Variants in SLC8A3 observed in about 807,000 individuals in gnomAD.
SLC8A3 encodes solute carrier family 8 member A3.
SLC8A3 carries 37 observed loss-of-function variants against 65.4 expected under a neutral mutation model. The observed-to-expected ratio is 0.57, with a 90% CI of 0.44 to 0.74. The LOEUF (loss-of-function observed/expected upper bound fraction) is 0.74. Among genes scored for constraint, SLC8A3 ranks in the 30% least tolerant of loss-of-function variants. SLC8A3 has a pLI of 0.00. For missense variants in SLC8A3, 1,112 were observed against 1,172.1 expected (o/e 0.95, Z 0.75); for synonymous variants, 461 against 444.5 (o/e 1.04, Z -0.47).
intron 2 of SLC8A3, among the ~76,000 whole-genome samples, chr14:70,110,550 C>G (rs966913096): frequency 1.3e-5 from 2 of 152,044 alleles, no homozygotes; most frequent in African/African-American, 4.8e-5. Flanking sequence ...GAATAGTACT[C>G]CATTGTATAT....
intron 4 of SLC8A3, among the ~76,000 whole-genome samples, chr14:70,051,435 G>A (rs563326254): frequency 2.0e-5 from 3 of 152,200 alleles, no homozygotes; most frequent in Non-Finnish European, 4.4e-5. Context: ...TGGGACCACA[G>A]GCATGTACAA....
At chr14:70,146,573 A>C (rs1480831218) in intron 2 of SLC8A3, among the ~76,000 whole-genome samples, 1 of 152,120 alleles carries the variant, frequency 6.6e-6, no homozygotes, top group East Asian at 1.9e-4. Context: ...GAAAAAAATA[A>C]CCCTGCCTGG....
chr14:70,177,595 G>T (rs750299123), intron 1 of SLC8A3, among the ~76,000 whole-genome samples: 5 of 152,182 alleles, frequency 3.3e-5, no homozygotes, highest in Non-Finnish European at 5.9e-5. Context: ...TCAAACAAAG[G>T]CCACAGGAAT....
intron 2 of SLC8A3, among the ~76,000 whole-genome samples, chr14:70,161,857 G>A (rs1051319067): frequency 2.0e-5 from 3 of 152,204 alleles, no homozygotes; most frequent in African/African-American, 7.2e-5. Context: ...GATTTCTTGG[G>A]GTTAAAACAT....
Position 70,164,593 on chromosome 14 carries a change from G to A in SLC8A3, c.1784+2046C>T, listed in dbSNP as rs955880732. 5.3e-5 allele frequency among the ~76,000 whole-genome samples: 8 copies of A among 152,120 alleles called. No individual in the cohort carries two copies. The South Asian group carries it at 6.2e-4, about 12-fold the overall frequency. ...AAATAAGTTTGAGGAAGGTTTAGTCGTATTCAGAGACCCTAGGTGCATAAT... is the reference window on the plus strand; with the variant it reads ...AAATAAGTTTGAGGAAGGTTTAGTCATATTCAGAGACCCTAGGTGCATAAT... On this transcript the variant is annotated intron_variant, in intron 2 of 6. Transcript: ENST00000356921.
At chr14:70,171,637 C>T (rs1196564780) in intron 1 of SLC8A3, among the ~76,000 whole-genome samples, 1 of 152,056 alleles carries the variant, frequency 6.6e-6, no homozygotes, top group Non-Finnish European at 1.5e-5. Context: ...CCCATCTCTA[C>T]TAAAAATACA....
At chr14:70,103,403 T>C (rs954185697) in intron 2 of SLC8A3, among the ~76,000 whole-genome samples, 5 of 152,086 alleles carry the variant, frequency 3.3e-5, no homozygotes, top group African/African-American at 1.2e-4. Context: ...TATGTATTTT[T>C]CTACTCATAA....
Position 70,115,260 on chromosome 14 carries a change from G to C in SLC8A3, c.1784+51379C>G, listed in dbSNP as rs796964611. Among the ~76,000 whole-genome samples, 6 of 152,266 alleles carry C rather than the reference G, an allele frequency of 3.9e-5. No individual in the cohort carries two copies. The South Asian group carries it at 8.3e-4, about 21-fold the overall frequency. On this transcript the variant is annotated intron_variant, in intron 2 of 6. Coordinates refer to ENST00000356921, the MANE Select transcript of SLC8A3 (RefSeq NM_182932.3). ...TTTCCCTGCCCGAGCTTTGGATTCA[G>C]TCATCTTTTCTTCCCCACTTCTCTT...
chr14:70,161,188 G>A (rs1896865775), intron 2 of SLC8A3, among the ~76,000 whole-genome samples: 1 of 144,172 alleles, frequency 6.9e-6, no homozygotes, highest in Admixed American at 7.1e-5. Flanking sequence ...TACTCGGGAG[G>A]CTGAGGCAGG....
At chr14:70,080,505 C>G (rs1890960026) in intron 2 of SLC8A3, among the ~76,000 whole-genome samples, 1 of 152,182 alleles carries the variant, frequency 6.6e-6, no homozygotes, top group East Asian at 1.9e-4. Flanking sequence ...GGCCCAGACA[C>G]AGCCTTAACT....
chr14:70,057,290 A>ATAGG lies in SLC8A3; in HGVS notation c.1888+3542_1888+3545dup, dbSNP rs1305610951. 2.3e-4 allele frequency among the ~76,000 whole-genome samples: 32 copies of ATAGG among 142,098 alleles called. No homozygotes were observed. In the South Asian group the frequency reaches 5.9e-3, roughly 26 times the overall value. 93.2% of individuals were successfully genotyped at this position (142,098 alleles called of 152,430 possible). On this transcript the variant is annotated intron_variant, in intron 3 of 6. Coordinates refer to ENST00000356921, the MANE Select transcript of SLC8A3 (RefSeq NM_182932.3). ...GAGATAGATAGATATAGATAGGCAG[A>ATAGG]TAGGTAGATAGATAGATAGATAGAT...
chr14:70,145,127 G>T (rs577975633), intron 2 of SLC8A3, among the ~76,000 whole-genome samples: 4 of 152,294 alleles, frequency 2.6e-5, no homozygotes, highest in South Asian at 4.1e-4. Context: ...AAATGAAAAA[G>T]CATAATTCTT....
chr14:70,152,397 G>T (rs1896324817), intron 2 of SLC8A3, among the ~76,000 whole-genome samples: 2 of 152,104 alleles, frequency 1.3e-5, no homozygotes, highest in African/African-American at 2.4e-5. Context: ...CATCTTACCT[G>T]AGAAATTCAA....
rs1440534410 is a variant in SLC8A3 at position 70,052,018 on chromosome 14, A to G, written c.1985T>C (p.Val662Ala). The G allele has an allele frequency of 4.3e-6, 7 of 1,613,304 alleles. No individual in the cohort carries two copies. Among genetic ancestry groups the G allele is most frequent in the Non-Finnish European group, 5.9e-6 (7 of 1,179,712 alleles). Residue 662 changes from valine to alanine, a missense_variant, in exon 4 of 7, where the codon GTC becomes GCC. Coordinates refer to ENST00000356921, the MANE Select transcript of SLC8A3 (RefSeq NM_182932.3). ...PVLGEHPKLEVIIEESYEFKT... is the reference protein window; with the variant it reads ...PVLGEHPKLEAIIEESYEFKT... The stretch of plus-strand genomic sequence containing the variant: ...GAACTCATAGGACTCTTCAATGATG[A>G]CTTCTAGTTTGGGGTGTTCACCCAA...
intron 6 of SLC8A3, 57 bp downstream of exon 6, chr14:70,048,710 G>A: frequency 3.5e-6 from 5 of 1,442,282 alleles, no homozygotes; most frequent in Non-Finnish European, 4.8e-6. Flanking sequence ...TGGAGTCCAG[G>A]GGTCATTTGA....
chr14:70,169,695 G>C (rs888662350), intron 1 of SLC8A3, among the ~76,000 whole-genome samples: 41 of 145,706 alleles, frequency 2.8e-4, no homozygotes, highest in Non-Finnish European at 5.7e-4. Context: ...AAAAAGTGGG[G>C]GGGGGGGCGA....
intron 2 of SLC8A3, among the ~76,000 whole-genome samples, chr14:70,082,871 A>C (rs1246192984): frequency 6.6e-6 from 1 of 152,186 alleles, no homozygotes; most frequent in Non-Finnish European, 1.5e-5. Flanking sequence ...TACTGATGGA[A>C]ATGCTCTTGA....
chr14:70,095,103 G>A (rs867133092), intron 2 of SLC8A3, among the ~76,000 whole-genome samples: 4 of 152,212 alleles, frequency 2.6e-5, no homozygotes, highest in Non-Finnish European at 5.9e-5. Context: ...AGGTTTACAA[G>A]GGCTTGTCAC....
At chr14:70,112,760 A>G (rs1371135402) in intron 2 of SLC8A3, among the ~76,000 whole-genome samples, 1 of 152,208 alleles carries the variant, frequency 6.6e-6, no homozygotes. Context: ...TGAAGGCCCC[A>G]GAAGAGGATG....
Sources: allele counts gnomAD v4.1 joint callset (sites outside exome capture counted in the v4.1 genomes callset), GRCh38; gene constraint gnomAD v4.1.1; transcripts MANE v1.5; gene names NCBI Gene and HGNC (gene_info 2026-07-23, HGNC 2026-07-21).